EPB41L3: variants seen among roughly 807,000 people sequenced by gnomAD.
EPB41L3 encodes the protein erythrocyte membrane protein band 4.1 like 3.
In EPB41L3, 57 loss-of-function variants were observed where a neutral mutation model predicts 127.1. The ratio of observed to expected loss-of-function variants is 0.45; its 90% CI spans 0.36 to 0.56. EPB41L3 has a LOEUF of 0.56. Ranked by LOEUF, EPB41L3 falls within the 20% of genes least tolerant of loss-of-function variation. The pLI is 0.00. For synonymous variants in EPB41L3, 572 were observed against 549.5 expected (o/e 1.04, Z -0.57); for missense variants, 1,273 against 1,372.2 (o/e 0.93, Z 1.14).
chr18:5,537,248 GA>G (rs2093602268), intron 1 of EPB41L3, among the ~76,000 whole-genome samples: 1 of 152,102 alleles, frequency 6.6e-6, no homozygotes, highest in Non-Finnish European at 1.5e-5. Flanking sequence ...TTTAAAGTGA[GA>G]ATGTATTATT....
At chr18:5,576,080 C>T (rs190844211) in intron 3 of EPB41L3, among the ~76,000 whole-genome samples, 164 of 152,138 alleles carry the variant, frequency 1.1e-3, no homozygotes, top group Non-Finnish European at 8.5e-4. Flanking sequence ...ATTGTAAAGT[C>T]AAACAGCTCT....
At chr18:5,603,726 G>GA (rs1256052828) in intron 3 of EPB41L3, among the ~76,000 whole-genome samples, 1 of 151,898 alleles carries the variant, frequency 6.6e-6, no homozygotes, top group Non-Finnish European at 1.5e-5. Flanking sequence ...CTATAAAAAG[G>GA]AAAAAATAGC....
At chr18:5,428,905 A>C (rs2078596080) in intron 8 of EPB41L3, among the ~76,000 whole-genome samples, 1 of 152,230 alleles carries the variant, frequency 6.6e-6, no homozygotes, top group Admixed American at 6.5e-5. Flanking sequence ...GTTCCAGCTG[A>C]ACACAGCCTG....
At chr18:5,423,332 T>C in intron 11 of EPB41L3, 46 bp downstream of exon 11, 3 of 1,486,336 alleles carry the variant, frequency 2.0e-6, no homozygotes, top group Non-Finnish European at 2.7e-6. Context: ...TCACATTCTT[T>C]TTGGGGTAGG....
chr18:5,435,781 T>C (rs2145887900), intron 6 of EPB41L3, among the ~76,000 whole-genome samples: 1 of 152,328 alleles, frequency 6.6e-6, no homozygotes, highest in South Asian at 2.1e-4. Context: ...GCAAAACAGA[T>C]TTCAGGTAAC....
At chr18:5,542,197 A>G (rs1598845317) in intron 1 of EPB41L3, among the ~76,000 whole-genome samples, 1 of 152,230 alleles carries the variant, frequency 6.6e-6, no homozygotes, top group East Asian at 1.9e-4. Flanking sequence ...CTCAGTCCCC[A>G]GAGTTCACTG....
At chr18:5,446,605 G>C (rs569503603) in intron 3 of EPB41L3, among the ~76,000 whole-genome samples, 2 of 152,314 alleles carry the variant, frequency 1.3e-5, no homozygotes, top group East Asian at 3.9e-4. Context: ...GCATTCAAAA[G>C]ACCTGTGAGT....
At position 5,416,385 on chromosome 18, in the gene EPB41L3, T is replaced by C; in HGVS notation, c.1507-7A>G. On this transcript the variant is annotated splice_region_variant and splice_polypyrimidine_tract_variant and intron_variant, in intron 12 of 22. Coordinates refer to ENST00000341928, the MANE Select transcript of EPB41L3 (RefSeq NM_012307.5). ...CAGTGCCAAGCCCAGGTGACTGATG[T>C]GAAAGAGACAGAAAGAGACAGAAAG... 6.2e-7 allele frequency: 1 copy of C among 1,604,356 alleles called. No homozygotes were observed. The highest frequency in any genetic ancestry group is 2.2e-5 in the East Asian group (1 of 44,708).
chr18:5,547,460 T>C (rs2093899339), upstream of EPB41L3, among the ~76,000 whole-genome samples: 1 of 152,134 alleles, frequency 6.6e-6, no homozygotes, highest in African/African-American at 2.4e-5. Context: ...ACTGAAACAA[T>C]CCATGGAAAG....
chr18:5,425,625 A>G (rs1045414049), intron 9 of EPB41L3, among the ~76,000 whole-genome samples: 1 of 152,020 alleles, frequency 6.6e-6, no homozygotes, highest in African/African-American at 2.4e-5. Context: ...ATTAATATCT[A>G]TTTCTCTGTG....
chr18:5,604,403 C>T (rs1420922469), intron 3 of EPB41L3, among the ~76,000 whole-genome samples: 1 of 152,044 alleles, frequency 6.6e-6, no homozygotes, highest in African/African-American at 2.4e-5. Context: ...TTTCAGGGGT[C>T]TTTAAAAGTC....
At chr18:5,572,835 A>G (rs890788051) in intron 3 of EPB41L3, among the ~76,000 whole-genome samples, 1 of 152,110 alleles carries the variant, frequency 6.6e-6, no homozygotes, top group Non-Finnish European at 1.5e-5. Context: ...TGGCCTCCCA[A>G]AGTGCTGGGA....
chr18:5,420,844 C>A (rs879923827), intron 11 of EPB41L3, among the ~76,000 whole-genome samples: 7 of 152,052 alleles, frequency 4.6e-5, no homozygotes, highest in Non-Finnish European at 8.8e-5. Flanking sequence ...AATTTAAAAA[C>A]GTAAATAAAA....
intron 11 of EPB41L3, among the ~76,000 whole-genome samples, chr18:5,421,746 T>C (rs750710907): frequency 9.2e-5 from 14 of 152,118 alleles, no homozygotes; most frequent in Non-Finnish European, 1.6e-4. Flanking sequence ...TACGTTCTCA[T>C]GTATAAGTGG....
intron 16 of EPB41L3, among the ~76,000 whole-genome samples, chr18:5,406,182 C>T (rs1406082515): frequency 5.3e-5 from 8 of 152,076 alleles, no homozygotes; most frequent in Non-Finnish European, 8.8e-5. Context: ...ACCTGGGAGG[C>T]GGAGGCTACA....
At chr18:5,518,000 C>T (rs192743582) in intron 1 of EPB41L3, among the ~76,000 whole-genome samples, 2 of 152,280 alleles carry the variant, frequency 1.3e-5, no homozygotes, top group East Asian at 1.9e-4. Flanking sequence ...GATATTGTCA[C>T]CAGCATCCCT....
chr18:5,617,599 T>C (rs891590056), intron 1 of EPB41L3, among the ~76,000 whole-genome samples: 5 of 152,322 alleles, frequency 3.3e-5, no homozygotes, highest in African/African-American at 9.6e-5. Context: ...ATTACAGGCG[T>C]GAGCCACCGC....
intron 3 of EPB41L3, among the ~76,000 whole-genome samples, chr18:5,581,496 G>A (rs1249452461): frequency 6.6e-6 from 1 of 152,150 alleles, no homozygotes; most frequent in Non-Finnish European, 1.5e-5. Flanking sequence ...ATGGGTAAGA[G>A]TTAGAAATAA....
At position 5,474,028 on chromosome 18, in the gene EPB41L3, G is replaced by A. The variant is rs376238048; in HGVS notation, c.381+4213C>T. 5.3e-5 allele frequency among the ~76,000 whole-genome samples: 8 copies of A among 152,160 alleles called. No individual in the cohort carries two copies. The East Asian group carries it at 7.8e-4, about 15-fold the overall frequency. The stretch of plus-strand genomic sequence containing the variant: ...GGGTGGATCACGAGGTCAGGAGATC[G>A]AGACCATCTTGGCTAACGTGGTGAA... On this transcript the variant is annotated intron_variant, in intron 3 of 22. Transcript: ENST00000341928.
Sources: gnomAD v4.1 joint callset for allele counts (sites outside exome capture counted in the v4.1 genomes callset) on GRCh38, gnomAD v4.1.1 for gene constraint, MANE v1.5 for transcripts, NCBI Gene and HGNC (gene_info 2026-07-23, HGNC 2026-07-21) for gene names.